Variants in ARID1B observed in about 807,000 individuals in gnomAD.
ARID1B encodes AT-rich interactive domain-containing protein 1B.
Under a neutral mutation model 212.3 loss-of-function variants are expected in ARID1B, and 30 were observed. The observed-to-expected ratio is 0.14, with a 90% confidence interval of 0.11 to 0.19. The LOEUF (loss-of-function observed/expected upper bound fraction) is 0.19. Ranked by LOEUF, ARID1B falls within the 10% of genes least tolerant of loss-of-function variation. The pLI is 1.00. For synonymous variants in ARID1B, 1,402 were observed against 1,301.7 expected, an observed-to-expected ratio of 1.08 and a Z score of -1.66; for missense variants, 2,891 against 3,204.0, an observed-to-expected ratio of 0.90 and a Z score of 2.36.
At position 156,778,042 on chromosome 6, in the gene ARID1B, C is replaced by T. The variant is rs1264221880; in HGVS notation, c.362C>T (p.Ser121Phe). 5 of 1,536,228 alleles carry T rather than the reference C, an allele frequency of 3.3e-6. No individual in the cohort carries two copies. In the African/African-American group the frequency reaches 5.5e-5, roughly 17 times the overall value. ...AGCGCCGCCGCGCTGTCCTCCTCCTCCTCCTCCTCCGCGGCGGCAGCGGCG... is the reference window on the plus strand; with the variant it reads ...AGCGCCGCCGCGCTGTCCTCCTCCTTCTCCTCCTCCGCGGCGGCAGCGGCG... ...GGSAAALSSS[S>F]SSSAAAAAAS... Residue 121 changes from serine (S) to phenylalanine (F), a missense_variant, in exon 1 of 20, where the codon TCC (serine) becomes TTC (phenylalanine). Physicochemically the swap from Ser to Phe is radical, Grantham distance 155. Coordinates refer to ENST00000636930, the MANE Select transcript of ARID1B (RefSeq NM_001374828.1).
chr6:156,920,307 A>G (rs1790680769), intron 3 of ARID1B, among the ~76,000 whole-genome samples: 1 of 152,220 alleles, frequency 6.6e-6, no homozygotes, highest in Non-Finnish European at 1.5e-5. Context: ...AGTATCATCG[A>G]GGCTCATTAT....
chr6:156,931,519 G>A (rs1409395033), intron 3 of ARID1B, among the ~76,000 whole-genome samples: 3 of 152,092 alleles, frequency 2.0e-5, no homozygotes, highest in Non-Finnish European at 4.4e-5. Flanking sequence ...TAGGCATTCA[G>A]TCAGCGTCTA....
rs1328431406 is a variant in ARID1B at position 157,210,345 on chromosome 6, A to C, written c.*2454A>C. ...AGAGTACAAATAAAAGGTGTATACAAACTCCGAACATATCCAGTATTCCAA... is the reference window on the plus strand; with the variant it reads ...AGAGTACAAATAAAAGGTGTATACACACTCCGAACATATCCAGTATTCCAA... On this transcript the variant is annotated 3_prime_UTR_variant, in exon 20 of 20. Coordinates refer to ENST00000636930, the MANE Select transcript of ARID1B (RefSeq NM_001374828.1). The C allele has an allele frequency of 1.7e-5, 4 of 230,300 alleles. No individual in the cohort carries two copies. The highest frequency in any genetic ancestry group is 3.4e-5 in the Non-Finnish European group (4 of 116,374). 14.3% of individuals were successfully genotyped at this position (230,300 alleles called of 1,614,324 possible).
In ARID1B at chr6:156,778,817, C is replaced by T. The variant is rs1201926612; in HGVS notation, c.1137C>T (p.Asn379=). The stretch of plus-strand genomic sequence containing the variant: ...AAGGGTACCCCAACAGCCAGTGCAA[C>T]CATTATCCGGGCTACAGCCGGCCCG... ...SHEGYPNSQC[N]HYPGYSRPGA... The change falls in exon 1 of 20, where the codon AAC becomes AAT. Residue 379 remains asparagine (N), a synonymous_variant. Transcript: ENST00000636930. 41 of 1,475,404 alleles carry T rather than the reference C, an allele frequency of 2.8e-5. No individual in the cohort carries two copies. Among genetic ancestry groups the T allele is most frequent in the Non-Finnish European group, 3.6e-5 (40 of 1,108,488 alleles). 91.4% of individuals were successfully genotyped at this position (1,475,404 alleles called of 1,614,324 possible).
chr6:156,888,949 T>C (rs771024094), intron 2 of ARID1B, among the ~76,000 whole-genome samples: 70 of 152,236 alleles, frequency 4.6e-4, no homozygotes, highest in Non-Finnish European at 5.1e-4. Flanking sequence ...ATTGATACCC[T>C]AGGTGTCAAA....
Position 156,778,266 on chromosome 6 carries a change from T to C in ARID1B, c.586T>C (p.Phe196Leu). Reference sequence around the variant, plus strand: ...CGCACTACAGCAGCAGCTAAACCAGTTCCAGCAGCAGCAGCAGCAGCAGCA... The same window carrying C: ...CGCACTACAGCAGCAGCTAAACCAGCTCCAGCAGCAGCAGCAGCAGCAGCA... ...HHALQQQLNQ[F>L]QQQQQQQQQQ... Residue 196 changes from phenylalanine to leucine, a missense_variant, in exon 1 of 20, where the codon TTC becomes CTC. Physicochemically the swap from Phe to Leu is conservative, Grantham distance 22. Around this residue, in one of 7 missense-constraint regions of ARID1B, gnomAD observed 1,643 missense variants for 1,544.0 expected, o/e 1.06. Coordinates refer to ENST00000636930, the MANE Select transcript of ARID1B (RefSeq NM_001374828.1). 1 of 1,534,540 alleles carries C rather than the reference T, an allele frequency of 6.5e-7. No individual in the cohort carries two copies.
At chr6:156,776,453 A>G (rs1778629017), upstream of ARID1B, 1 of 152,194 alleles carries the variant, frequency 6.6e-6, no homozygotes, top group Admixed American at 6.5e-5. Flanking sequence ...TTTGAAATGA[A>G]TGTATATCGA....
intron 8 of ARID1B, among the ~76,000 whole-genome samples, chr6:157,163,672 T>TACA (rs1791107089): frequency 6.6e-6 from 1 of 152,194 alleles, no homozygotes; most frequent in Non-Finnish European, 1.5e-5. Context: ...AGCTGTTGTA[T>TACA]TCATGTCTCC....
chr6:157,140,753 A>G (rs898913449), intron 7 of ARID1B: 2 of 397,608 alleles, frequency 5.0e-6, no homozygotes, highest in African/African-American at 4.1e-5. Flanking sequence ...GAGCATACCC[A>G]CGTGTCCTTG....
rs1490287359 is a variant in ARID1B, at chr6:157,114,146, G to T, written c.2581+3585G>T. On this transcript the variant is annotated intron_variant, in intron 6 of 19. Transcript: ENST00000636930. ...ACTTAACTTTGTTTATACTCTTACG[G>T]TTGATATATACCTACCTTGTTTAGG... 2.0e-5 allele frequency among the ~76,000 whole-genome samples: 3 copies of T among 152,158 alleles called. No individual in the cohort carries two copies. In the East Asian group the frequency reaches 5.8e-4, roughly 29 times the overall value.
intron 3 of ARID1B, among the ~76,000 whole-genome samples, chr6:156,909,429 C>T (rs1304647638): frequency 2.6e-5 from 4 of 152,064 alleles, no homozygotes; most frequent in East Asian, 1.9e-4. Flanking sequence ...CGGACAAGGG[C>T]GTTTCTTATA....
chr6:156,959,926 T>C (rs1413069446), intron 4 of ARID1B, among the ~76,000 whole-genome samples: 2 of 75,704 alleles, frequency 2.6e-5, no homozygotes. Context: ...TGTCAGCTTC[T>C]TTTTTTTTTT....
chr6:156,885,421 A>G lies in ARID1B; in HGVS notation c.1987-15955A>G, dbSNP rs557261366. The stretch of plus-strand genomic sequence containing the variant: ...CTAATTTTAATGATTTGTAAATATA[A>G]AATGAGGAGGCAATGGAAAGAAGTG... On this transcript the variant is annotated intron_variant, in intron 2 of 19. Coordinates refer to ENST00000636930, the MANE Select transcript of ARID1B (RefSeq NM_001374828.1). Among the ~76,000 whole-genome samples, 4 of 152,362 alleles carry G rather than the reference A, an allele frequency of 2.6e-5. No homozygotes were observed. The South Asian group carries it at 8.3e-4, about 32-fold the overall frequency.
chr6:157,101,343 G>A (rs1583307498), intron 5 of ARID1B, among the ~76,000 whole-genome samples: 1 of 152,096 alleles, frequency 6.6e-6, no homozygotes, highest in East Asian at 1.9e-4. Flanking sequence ...CAAAGTGACT[G>A]GAAGCATTCC....
At chr6:157,022,474 T>C (rs1162850928) in intron 4 of ARID1B, 1 of 152,252 alleles carries the variant, frequency 6.6e-6, no homozygotes, top group Non-Finnish European at 1.5e-5. Flanking sequence ...ATCCTGTCTC[T>C]GCCATGGAGA....
At position 157,209,258 on chromosome 6, in the gene ARID1B, AAGC is replaced by A. The variant is rs1794663863; in HGVS notation, c.*1369_*1371del. 1 of 232,016 alleles carries A rather than the reference AAGC, an allele frequency of 4.3e-6. No homozygotes were observed. The highest frequency in any genetic ancestry group is 1.8e-4 in the South Asian group (1 of 5,526). The allele number at this position is 232,016 out of a possible 1,614,324, so 14.4% of individuals were successfully genotyped here. On this transcript the variant is annotated 3_prime_UTR_variant, in exon 20 of 20. Transcript: ENST00000636930. ...GAATAAATGTACATTAAATCTTGTT[AAGC>A]ACTGTGATGGGTGTTCTTGAATACT... is the stretch of plus-strand genomic sequence containing the variant.
At chr6:156,860,996 GC>G (rs1785291850) in intron 2 of ARID1B, among the ~76,000 whole-genome samples, 1 of 152,162 alleles carries the variant, frequency 6.6e-6, no homozygotes, top group African/African-American at 2.4e-5. Context: ...CACATTCCAG[GC>G]CCTCAGAGAA....
At chr6:157,134,908 C>T (rs1289259505) in intron 7 of ARID1B, among the ~76,000 whole-genome samples, 1 of 151,920 alleles carries the variant, frequency 6.6e-6, no homozygotes, top group Non-Finnish European at 1.5e-5. Context: ...GTCCATAAGC[C>T]CTTCCTGGAC....
chr6:157,012,838 T>C (rs1779695106), intron 4 of ARID1B, among the ~76,000 whole-genome samples: 1 of 152,224 alleles, frequency 6.6e-6, no homozygotes. Flanking sequence ...TATGGGACCT[T>C]ACATGGTGAG....
Sources: allele counts gnomAD v4.1 joint callset (sites outside exome capture counted in the v4.1 genomes callset), GRCh38; gene constraint gnomAD v4.1.1; regional missense constraint gnomAD v4.1.1; transcripts MANE v1.5; gene names NCBI Gene and HGNC (gene_info 2026-07-23, HGNC 2026-07-21).